ERG: variants seen among roughly 807,000 people sequenced by gnomAD.
The protein encoded by ERG is transcriptional regulator ERG.
Under a neutral mutation model 55.3 loss-of-function variants are expected in ERG, and 9 were observed. That is an observed-to-expected ratio of 0.16 (90% confidence interval 0.10 to 0.28). The LOEUF (loss-of-function observed/expected upper bound fraction) is 0.28, where lower values mean the gene tolerates loss of function less well. Ranked by LOEUF, ERG falls within the 10% of genes least tolerant of loss-of-function variation. The pLI, the probability that ERG is intolerant of heterozygous loss-of-function variation, is 1.00. For missense variants in ERG, 434 were observed against 631.6 expected, an observed-to-expected ratio of 0.69 and a Z score of 3.35; for synonymous variants, 223 against 237.3, an observed-to-expected ratio of 0.94 and a Z score of 0.55.
intron 1 of ERG, among the ~76,000 whole-genome samples, chr21:38,659,524 C>G (rs2146998234): frequency 6.6e-6 from 1 of 152,290 alleles, no homozygotes; most frequent in Non-Finnish European, 1.5e-5. Context: ...GAATGGAAAA[C>G]AGTCAAAAAT....
intron 1 of ERG, among the ~76,000 whole-genome samples, chr21:38,461,761 T>G (rs1255689426): frequency 6.6e-6 from 1 of 152,248 alleles, no homozygotes; most frequent in Admixed American, 6.5e-5. Flanking sequence ...GAGTTACTTT[T>G]CATAAAAATA....
intron 2 of ERG, among the ~76,000 whole-genome samples, chr21:38,545,301 T>C (rs1380692987): frequency 6.6e-6 from 1 of 152,206 alleles, no homozygotes; most frequent in Non-Finnish European, 1.5e-5. Flanking sequence ...CTCCCACTCT[T>C]GGGATTTCTC....
upstream of ERG, among the ~76,000 whole-genome samples, chr21:38,501,024 T>TA (rs1202184572): frequency 6.7e-6 from 1 of 149,758 alleles, no homozygotes; most frequent in Non-Finnish European, 1.5e-5. Context: ...TAAAGTGTTT[T>TA]AAAAAAATCT....
At chr21:38,575,363 C>T (rs768497447) in intron 2 of ERG, among the ~76,000 whole-genome samples, 4 of 152,084 alleles carry the variant, frequency 2.6e-5, no homozygotes, top group Non-Finnish European at 5.9e-5. Flanking sequence ...TTTGTCGAAC[C>T]TACTCAACTG....
At chr21:38,512,509 G>A (rs928675323) in intron 2 of ERG, among the ~76,000 whole-genome samples, 4 of 152,152 alleles carry the variant, frequency 2.6e-5, no homozygotes, top group African/African-American at 4.8e-5. Flanking sequence ...TACACTGTAC[G>A]TCTTTCAATC....
intron 1 of ERG, among the ~76,000 whole-genome samples, chr21:38,462,243 A>G (rs1486753754): frequency 6.6e-6 from 1 of 152,166 alleles, no homozygotes; most frequent in East Asian, 1.9e-4. Context: ...TTGGCCTCCC[A>G]AAGTGCTGGG....
chr21:38,563,011 T>C (rs1210279138), intron 2 of ERG, among the ~76,000 whole-genome samples: 2 of 152,156 alleles, frequency 1.3e-5, no homozygotes, highest in Admixed American at 6.5e-5. Context: ...CTATACCAGA[T>C]AAGAAAATCT....
chr21:38,605,143 C>A (rs909480301), intron 1 of ERG, among the ~76,000 whole-genome samples: 1 of 152,148 alleles, frequency 6.6e-6, no homozygotes, highest in Admixed American at 6.5e-5. Context: ...CCACTTCTGT[C>A]CACTTTTTAA....
intron 2 of ERG, among the ~76,000 whole-genome samples, chr21:38,533,364 C>G (rs536694250): frequency 6.6e-6 from 1 of 152,134 alleles, no homozygotes; most frequent in Non-Finnish European, 1.5e-5. Flanking sequence ...TCAAAGAAGC[C>G]TCACATAAAT....
chr21:38,551,785 C>T (rs1425735602), intron 2 of ERG, among the ~76,000 whole-genome samples: 1 of 151,998 alleles, frequency 6.6e-6, no homozygotes, highest in African/African-American at 2.4e-5. Flanking sequence ...GAAGTATGTG[C>T]CACGTGTAGG....
chr21:38,429,291 C>A (rs1238643195), intron 2 of ERG, among the ~76,000 whole-genome samples: 2 of 150,744 alleles, frequency 1.3e-5, no homozygotes, highest in Non-Finnish European at 2.9e-5. Context: ...CATATACCCA[C>A]ACATATACAT....
chr21:38,627,943 CT>C (rs10650499), intron 1 of ERG, among the ~76,000 whole-genome samples: 2,541 of 142,546 alleles, frequency 0.018, 61 homozygotes, highest in African/African-American at 0.058. Context: ...GTTTTCTCTT[CT>C]TTTTTTTTTT....
intron 2 of ERG, among the ~76,000 whole-genome samples, chr21:38,517,836 C>T (rs142539620): frequency 3.8e-4 from 58 of 152,092 alleles, no homozygotes; most frequent in African/African-American, 1.3e-3. Flanking sequence ...GTCATTATGT[C>T]AAGTAAAATA....
At chr21:38,438,018 A>G (rs572010635) in intron 2 of ERG, among the ~76,000 whole-genome samples, 1 of 152,218 alleles carries the variant, frequency 6.6e-6, no homozygotes, top group South Asian at 2.1e-4. Context: ...CTCATCATCT[A>G]TTACTCTTCT....
intron 5 of ERG, among the ~76,000 whole-genome samples, chr21:38,402,337 C>G (rs1274561082): frequency 6.6e-6 from 1 of 152,142 alleles, no homozygotes; most frequent in African/African-American, 2.4e-5. Context: ...AAAAGGAACC[C>G]TTTGATAATC....
chr21:38,389,484 A>G lies in ERG; in HGVS notation c.919+1511T>C, dbSNP rs144365554. On this transcript the variant is annotated intron_variant, in intron 9 of 9. Coordinates refer to ENST00000288319, the MANE Select transcript of ERG (RefSeq NM_182918.4). ...TTCTTTTTTCTAATCTATCCTGAAC[A>G]TTGCTGCCAGATCAGTCTTCCTGAA... 2.6e-5 allele frequency among the ~76,000 whole-genome samples: 4 copies of G among 152,028 alleles called. No individual in the cohort carries two copies. The East Asian group carries it at 7.7e-4, about 29-fold the overall frequency.
the ERG span, among the ~76,000 whole-genome samples, chr21:38,372,171 C>A: frequency 1.3e-5 from 2 of 152,014 alleles, no homozygotes; most frequent in Admixed American, 1.3e-4. Context: ...AAGTCTTTAG[C>A]AACCATAGAC....
At chr21:38,367,607 C>G in the ERG span, 1 of 522,066 alleles carries the variant, frequency 1.9e-6, no homozygotes, top group Non-Finnish European at 3.7e-6. Context: ...ACTGTCACAT[C>G]TGCTATATTC....
intron 2 of ERG, among the ~76,000 whole-genome samples, chr21:38,520,671 G>C (rs189422882): frequency 2.0e-5 from 3 of 152,266 alleles, no homozygotes; most frequent in Non-Finnish European, 1.5e-5. Flanking sequence ...TCTAGGGGAC[G>C]GGTGACTCAT....
Sources: gnomAD v4.1 joint callset for allele counts (sites outside exome capture counted in the v4.1 genomes callset) on GRCh38, gnomAD v4.1.1 for gene constraint, MANE v1.5 for transcripts, NCBI Gene and HGNC (gene_info 2026-07-23, HGNC 2026-07-21) for gene names.